DAB2IP: variants seen among roughly 807,000 people sequenced by gnomAD.
DAB2IP encodes DAB2 interacting protein, also known as disabled homolog 2-interacting protein.
Under a neutral mutation model 107.2 loss-of-function variants are expected in DAB2IP, and 28 were observed. The observed-to-expected ratio is 0.26, with a 90% CI of 0.19 to 0.36. The LOEUF is 0.36. Ranked by LOEUF, DAB2IP falls within the 10% of genes least tolerant of loss-of-function variation. The pLI, the probability that DAB2IP is intolerant of heterozygous loss-of-function variation, is 1.00. For synonymous variants in DAB2IP, 755 were observed against 706.4 expected, an observed-to-expected ratio of 1.07 and a Z score of -1.09; for missense variants, 1,400 against 1,644.7, an observed-to-expected ratio of 0.85 and a Z score of 2.57.
intron 1 of DAB2IP, among the ~76,000 whole-genome samples, chr9:121,571,713 T>C (rs1481333529): frequency 1.3e-5 from 2 of 152,044 alleles, no homozygotes; most frequent in African/African-American, 4.8e-5. Flanking sequence ...CCGCAGCCAC[T>C]GGCACTGAAG....
intron 1 of DAB2IP, among the ~76,000 whole-genome samples, chr9:121,618,078 C>A (rs1446678574): frequency 6.6e-6 from 1 of 152,114 alleles, no homozygotes; most frequent in Non-Finnish European, 1.5e-5. Flanking sequence ...AGACAGAAGG[C>A]CCCCCTCAAG....
rs1392877506 is a variant in DAB2IP, at chr9:121,760,240, C to G, written c.971C>G (p.Pro324Arg). 3.7e-6 allele frequency: 6 copies of G among 1,613,878 alleles called. No individual in the cohort carries two copies. In the Admixed American group the frequency reaches 6.7e-5, roughly 18 times the overall value. The change falls in exon 6 of 16, where the codon CCT becomes CGT. Residue 324 changes from proline to arginine, a missense_variant. Coordinates refer to ENST00000408936, the Ensembl canonical transcript of DAB2IP. This position sits in a 1 kb window ranked among gnomAD's most constrained non-coding sequence, Gnocchi z 5.9. ...CCCAACCCCAAGGGCGGCAAGGGCC[C>G]TGGACCCATGATCCGCATCAAGGCG...
At chr9:121,729,456 A>C (rs1376257363) in intron 3 of DAB2IP, among the ~76,000 whole-genome samples, 1 of 152,064 alleles carries the variant, frequency 6.6e-6, no homozygotes. Context: ...CAGCATACCC[A>C]CCTGCCTTCC....
At chr9:121,758,066 G>A (rs1410727202) in intron 4 of DAB2IP, among the ~76,000 whole-genome samples, 1 of 152,228 alleles carries the variant, frequency 6.6e-6, no homozygotes, top group African/African-American at 2.4e-5. Flanking sequence ...TGACTTCCTT[G>A]CCAGGGATAG....
chr9:121,637,688 G>A (rs1283856703), intron 1 of DAB2IP, among the ~76,000 whole-genome samples: 1 of 152,196 alleles, frequency 6.6e-6, no homozygotes, highest in Non-Finnish European at 1.5e-5. Flanking sequence ...GCCTGCCCCC[G>A]AATTGCAGCC....
chr9:121,656,497 T>A lies in DAB2IP; in HGVS notation c.124+4598T>A, dbSNP rs75041063. 5.5e-3 allele frequency among the ~76,000 whole-genome samples: 833 copies of A among 152,366 alleles called. 8 individuals carry two copies. Among genetic ancestry groups the A allele is most frequent in the African/African-American group, 0.019 (802 of 41,578 alleles). ...TTGGATGACACCTGTGAAATCATTA[T>A]GCCCTTTTCTGCCTTGTCTCTTCTT... On this transcript the variant is annotated intron_variant, in intron 1 of 15. Coordinates refer to ENST00000408936, the Ensembl canonical transcript of DAB2IP.
In DAB2IP at chr9:121,684,617, A is replaced by T. The variant is rs1347952373; in HGVS notation, c.228+5836A>T. On this transcript the variant is annotated intron_variant, in intron 2 of 15. Coordinates refer to ENST00000408936, the Ensembl canonical transcript of DAB2IP. This position sits in a 1 kb window ranked among gnomAD's most constrained non-coding sequence, Gnocchi z 4.0. Reference sequence around the variant, plus strand: ...GTTTGGGCTGCGGGCTGCCTGAAGGAGGAATGCATGACTTCAGGTCCAGGA... The same window carrying T: ...GTTTGGGCTGCGGGCTGCCTGAAGGTGGAATGCATGACTTCAGGTCCAGGA... Among the ~76,000 whole-genome samples, 6 of 152,166 alleles carry T rather than the reference A, an allele frequency of 3.9e-5. No individual in the cohort carries two copies. Among genetic ancestry groups the T allele is most frequent in the Non-Finnish European group, 8.8e-5 (6 of 68,026 alleles).
chr9:121,628,488 A>C lies in DAB2IP; in HGVS notation c.41-50190A>C, dbSNP rs144810881. 5.8e-4 allele frequency among the ~76,000 whole-genome samples: 89 copies of C among 152,326 alleles called. No homozygotes were observed. In the East Asian group the frequency reaches 0.016, roughly 27 times the overall value. ...TATGGGTGTGGTGGTTGGAGGTGATAAGGAAAGAACTTAGGGGCTGCTGGT... is the reference window on the plus strand; with the variant it reads ...TATGGGTGTGGTGGTTGGAGGTGATCAGGAAAGAACTTAGGGGCTGCTGGT... On this transcript the variant is annotated intron_variant, in intron 1 of 16. Coordinates refer to the DAB2IP transcript ENST00000259371.
At chr9:121,582,960 G>A (rs984526726) in intron 1 of DAB2IP, among the ~76,000 whole-genome samples, 3 of 152,252 alleles carry the variant, frequency 2.0e-5, no homozygotes, top group Non-Finnish European at 4.4e-5. Flanking sequence ...CCTCATGTGT[G>A]TCTCATTCCC....
At chr9:121,677,669 C>G (rs374915397) in intron 1 of DAB2IP, among the ~76,000 whole-genome samples, 7 of 152,074 alleles carry the variant, frequency 4.6e-5, no homozygotes, top group Admixed American at 4.6e-4. Context: ...CCTTTCCCCC[C>G]GCTTTTTTTT....
chr9:121,763,834 A>G (rs1275767411), exon 8 of DAB2IP: 1 of 1,614,130 alleles, frequency 6.2e-7, no homozygotes. Context: ...GGCAACCTCA[A>G]GATGTGCTGC....
intron 1 of DAB2IP, among the ~76,000 whole-genome samples, chr9:121,629,818 C>G (rs550202401): frequency 6.6e-6 from 1 of 152,252 alleles, no homozygotes; most frequent in African/African-American, 2.4e-5. Context: ...CGGCAGCCAG[C>G]TAGAGGCCAG....
chr9:121,617,924 T>A (rs944070891), intron 1 of DAB2IP, among the ~76,000 whole-genome samples: 5 of 152,176 alleles, frequency 3.3e-5, no homozygotes, highest in African/African-American at 1.2e-4. Flanking sequence ...GATTTTCAAC[T>A]CCATGGCTGG....
chr9:121,645,726 T>C (rs1425927021), intron 1 of DAB2IP, among the ~76,000 whole-genome samples: 1 of 152,118 alleles, frequency 6.6e-6, no homozygotes, highest in Non-Finnish European at 1.5e-5. Flanking sequence ...GGCCTCAGCT[T>C]CCCCCGTTCA....
In DAB2IP at chr9:121,702,026, G is replaced by T. The variant is rs534316094; in HGVS notation, c.362+2568G>T. Among the ~76,000 whole-genome samples, 2 of 152,262 alleles carry T rather than the reference G, an allele frequency of 1.3e-5. No homozygotes were observed. Among genetic ancestry groups the T allele is most frequent in the Admixed American group, 6.5e-5 (1 of 15,294 alleles). On this transcript the variant is annotated intron_variant, in intron 3 of 15. Transcript: ENST00000408936. This position sits in a 1 kb window ranked among gnomAD's most constrained non-coding sequence, Gnocchi z 4.5. ...GGGAAGGACGGTGGGGGCTTCTAGG[G>T]TGTCGAGCGGGAGTCCTGGTCCCCA... is the stretch of plus-strand genomic sequence containing the variant.
At chr9:121,606,015 AG>A (rs774279892) in intron 1 of DAB2IP, among the ~76,000 whole-genome samples, 19 of 152,150 alleles carry the variant, frequency 1.2e-4, no homozygotes, top group Non-Finnish European at 2.4e-4. Flanking sequence ...TGAGTCTCAG[AG>A]GCCAAAAGGG....
upstream of DAB2IP, among the ~76,000 whole-genome samples, chr9:121,646,812 C>A (rs1314358809): frequency 6.6e-6 from 1 of 152,124 alleles, no homozygotes; most frequent in African/African-American, 2.4e-5. Context: ...CTCTGCATTC[C>A]GTACTGCTCA....
chr9:121,762,165 G>A (rs1326700508), intron 6 of DAB2IP, among the ~76,000 whole-genome samples: 3 of 152,202 alleles, frequency 2.0e-5, no homozygotes, highest in East Asian at 3.9e-4. Context: ...GAGGAGTAAC[G>A]GAGTCTGGGA....
chr9:121,603,319 G>T (rs754293441), intron 1 of DAB2IP, among the ~76,000 whole-genome samples: 1 of 152,190 alleles, frequency 6.6e-6, no homozygotes, highest in Non-Finnish European at 1.5e-5. Flanking sequence ...TGGAGGAATC[G>T]CCTGCATAGA....
Sources: allele counts gnomAD v4.1 joint callset (sites outside exome capture counted in the v4.1 genomes callset), GRCh38; gene constraint gnomAD v4.1.1; non-coding constraint Gnocchi (gnomAD v3.1); transcripts MANE v1.5; gene names NCBI Gene and HGNC (gene_info 2026-07-23, HGNC 2026-07-21).